ATP12A: variants seen among roughly 807,000 people sequenced by gnomAD.
ATP12A encodes the protein ATPase H+/K+ transporting non-gastric alpha2 subunit.
In ATP12A, 81 loss-of-function variants were observed where a neutral mutation model predicts 111.2. That is an observed-to-expected ratio of 0.73 (90% confidence interval 0.61 to 0.88). The LOEUF is 0.88. Ranked by LOEUF, ATP12A falls within the 40% of genes least tolerant of loss-of-function variation. The pLI is 0.00. For missense variants in ATP12A, 1,196 were observed against 1,313.1 expected (o/e 0.91, Z 1.38); for synonymous variants, 498 against 499.8 (o/e 1.00, Z 0.05).
chr13:24,701,890 C>T (rs779148716), intron 13 of ATP12A, 45 bp from the exon 14 acceptor site: 21 of 1,612,786 alleles, frequency 1.3e-5, no homozygotes, highest in South Asian at 3.3e-5. Context: ...TTTGGCCAAC[C>T]GAGTTCTTCA....
rs541422116 is a variant in ATP12A, at chr13:24,694,290, G to T, written c.1378-154G>T. ...CAGTAGGTGGCACTGTTGTTTACAC[G>T]CTTACCACGGTCTTGCGGCCCTCCC... is the stretch of plus-strand genomic sequence containing the variant. On this transcript the variant is annotated intron_variant, in intron 10 of 22. Coordinates refer to ENST00000381946, the MANE Select transcript of ATP12A (RefSeq NM_001676.7). Among the ~76,000 whole-genome samples the T allele has an allele frequency of 5.8e-3, 879 of 152,288 alleles. 2 individuals are homozygous for T. The highest frequency in any genetic ancestry group is 0.011 in the Non-Finnish European group (748 of 68,028).
rs372155116 is a variant in ATP12A, at chr13:24,698,840, G to A, written c.1695G>A (p.Glu565=). The A allele has an allele frequency of 1.8e-5, 29 of 1,613,770 alleles. No homozygotes were observed. In the African/African-American group the frequency reaches 3.2e-4, roughly 18 times the overall value. ...TAYMELGGLG[E]RVLGFCHLYL... is the part of the protein sequence containing the mutation. ...ACATGGAGCTGGGCGGGTTGGGCGA[G>A]CGTGTGCTGGGTGAGTGCGGCGGCA... Residue 565 remains glutamate, a synonymous_variant, in exon 12 of 23, where the codon GAG becomes GAA. Coordinates refer to ENST00000381946, the MANE Select transcript of ATP12A (RefSeq NM_001676.7).
At chr13:24,688,009 G>A (rs1874730251) in intron 3 of ATP12A, among the ~76,000 whole-genome samples, 1 of 152,136 alleles carries the variant, frequency 6.6e-6, no homozygotes, top group Non-Finnish European at 1.5e-5. Flanking sequence ...TAATTTCTCT[G>A]TGCCTCAAAT....
At chr13:24,687,750 A>G (rs1240505951) in intron 3 of ATP12A, among the ~76,000 whole-genome samples, 2 of 152,228 alleles carry the variant, frequency 1.3e-5, no homozygotes, top group Non-Finnish European at 2.9e-5. Context: ...GATGGAAACT[A>G]AAGCCACATG....
rs1314545034 is a variant in ATP12A, at chr13:24,711,609, T to G, written c.*87T>G. 1.3e-6 allele frequency: 2 copies of G among 1,548,452 alleles called. No homozygotes were observed. The highest frequency in any genetic ancestry group is 1.8e-6 in the Non-Finnish European group (2 of 1,126,394). ...CGTTTGCTGGGCTATTCCCCTGCAG[T>G]GCAGACATCGTCAAAATTCAGACAA... On this transcript the variant is annotated 3_prime_UTR_variant, in exon 23 of 23. Transcript: ENST00000381946.
At chr13:24,680,994 A>G (rs1278674672) in intron 1 of ATP12A, among the ~76,000 whole-genome samples, 1 of 152,138 alleles carries the variant, frequency 6.6e-6, no homozygotes, top group Non-Finnish European at 1.5e-5. Flanking sequence ...GAGGAGCGAG[A>G]AGGGGCCAAG....
rs905245693 is a variant in ATP12A at position 24,711,632 on chromosome 13, CAA to C, written c.*111_*112del. 3.2e-5 allele frequency: 47 copies of C among 1,474,380 alleles called. No individual in the cohort carries two copies. The highest frequency in any genetic ancestry group is 3.8e-5 in the Non-Finnish European group (41 of 1,070,594). The allele number at this position is 1,474,380 out of a possible 1,614,324, so 91.3% of individuals were successfully genotyped here. ...AGTGCAGACATCGTCAAAATTCAGA[CAA>C]GAGGAAATTTTCATGCAGAAAGCTG... is the stretch of plus-strand genomic sequence containing the variant. On this transcript the variant is annotated 3_prime_UTR_variant, in exon 23 of 23. Transcript: ENST00000381946.
rs1219942810 is a variant in ATP12A, at chr13:24,712,325, T to C, written c.*803T>C. ...TGGTTTCAATAGTCATATTTATTTC[T>C]TGTAAAACAGTTGCCAGGTGCTCTC... On this transcript the variant is annotated 3_prime_UTR_variant, in exon 23 of 23. Transcript: ENST00000381946. 1.3e-5 allele frequency: 2 copies of C among 152,272 alleles called. No individual in the cohort carries two copies. The highest frequency in any genetic ancestry group is 4.8e-5 in the African/African-American group (2 of 41,474). The allele number at this position is 152,272 out of a possible 1,614,324, so 9.4% of individuals were successfully genotyped here. A position where few individuals can be genotyped will look rare whatever the true frequency, so the allele number is the denominator to read the frequency against.
Position 24,707,259 on chromosome 13 carries a change from G to A in ATP12A, c.2339-20G>A, listed in dbSNP as rs776556940. 3.1e-6 allele frequency: 5 copies of A among 1,614,018 alleles called. No homozygotes were observed. The African/African-American group carries it at 4.0e-5, about 13-fold the overall frequency. ...TGGGGGACTAGAAGTAAGTTCTGAA[G>A]GAGAAACCTCTCTGCCTAGGTCGCC... On this transcript the variant is annotated intron_variant, in intron 16 of 22. Coordinates refer to ENST00000381946, the MANE Select transcript of ATP12A (RefSeq NM_001676.7).
rs570046773 is a variant in ATP12A, at chr13:24,696,069, G to A, written c.1512+1491G>A. ...TAAAACCAAAGTGAAAATAGAGTGC[G>A]CAACAGTCCTAAAAGACTGTTTTAG... On this transcript the variant is annotated intron_variant, in intron 11 of 22. Coordinates refer to ENST00000381946, the MANE Select transcript of ATP12A (RefSeq NM_001676.7). Among the ~76,000 whole-genome samples the A allele has an allele frequency of 3.9e-5, 6 of 152,220 alleles. No individual in the cohort carries two copies. In the South Asian group the frequency reaches 1.0e-3, roughly 26 times the overall value.
chr13:24,708,290 G>C (rs563823818), intron 17 of ATP12A, among the ~76,000 whole-genome samples: 139 of 152,276 alleles, frequency 9.1e-4, no homozygotes, highest in Admixed American at 2.5e-3. Flanking sequence ...TGCCCATGTG[G>C]CTGTGGCTTA....
At chr13:24,710,194 C>T (rs551049863) in intron 19 of ATP12A, among the ~76,000 whole-genome samples, 1 of 152,284 alleles carries the variant, frequency 6.6e-6, no homozygotes, top group African/African-American at 2.4e-5. Flanking sequence ...CACTTGAGCC[C>T]AGGAGTTTGA....
At chr13:24,707,237 G>A (rs1875706605) in intron 16 of ATP12A, 42 bp from the exon 17 acceptor site, 5 of 1,613,648 alleles carry the variant, frequency 3.1e-6, no homozygotes, top group East Asian at 2.2e-5. Flanking sequence ...GGTGGTCTGG[G>A]GGACTAGAAG....
chr13:24,710,547 A>T lies in ATP12A; in HGVS notation c.2851A>T (p.Ile951Phe). ...ILVQQIADLI[I>F]RKTRRNSIFQ... is the part of the protein sequence containing the mutation. The stretch of plus-strand genomic sequence containing the variant: ...AGTCCAGCAAATAGCAGATCTGATC[A>T]TCAGGAAAACCCGGAGGAATTCCAT... The change falls in exon 20 of 23, where the codon ATC (isoleucine) becomes TTC (phenylalanine). Residue 951 changes from isoleucine to phenylalanine, a missense_variant. Physicochemically the swap from Ile to Phe is conservative, Grantham distance 21. This residue lies in a region of ATP12A where 1,126 missense variants were observed against 1,228.5 expected (regional missense o/e 0.92). Transcript: ENST00000381946. 1 of 1,614,262 alleles carries T rather than the reference A, an allele frequency of 6.2e-7. No individual in the cohort carries two copies. The highest frequency in any genetic ancestry group is 1.1e-5 in the South Asian group (1 of 91,090).
chr13:24,698,595 G>A (rs753843092), intron 11 of ATP12A, 63 bp from the exon 12 acceptor site: 6 of 1,525,292 alleles, frequency 3.9e-6, no homozygotes, highest in East Asian at 2.3e-5. Flanking sequence ...TAATGGACCA[G>A]TAGAGAAGAA....
intron 1 of ATP12A, 123 bp downstream of exon 1, chr13:24,680,875 G>A: frequency 1.5e-6 from 2 of 1,364,612 alleles, no homozygotes; most frequent in Non-Finnish European, 1.9e-6. Context: ...CCGGGGCAAG[G>A]GGAGGCCGCC....
At position 24,698,842 on chromosome 13, in the gene ATP12A, G is replaced by T; in HGVS notation, c.1697G>T (p.Arg566Leu). 6.2e-7 allele frequency: 1 copy of T among 1,613,768 alleles called. No homozygotes were observed. ...ATGGAGCTGGGCGGGTTGGGCGAGC[G>T]TGTGCTGGGTGAGTGCGGCGGCAGG... ...AYMELGGLGE[R>L]VLGFCHLYLP... The change falls in exon 12 of 23, where the codon CGT becomes CTT. Residue 566 changes from arginine (R) to leucine (L), a missense_variant. By Grantham distance (102) the Arg-to-Leu change is moderately radical. Coordinates refer to ENST00000381946, the MANE Select transcript of ATP12A (RefSeq NM_001676.7).
intron 14 of ATP12A, 60 bp downstream of exon 14, chr13:24,702,131 C>CT: frequency 6.2e-7 from 1 of 1,603,380 alleles, no homozygotes; most frequent in South Asian, 1.1e-5. Context: ...CCCACTGGCT[C>CT]TAAAGAGCTG....
intron 4 of ATP12A, 24 bp from the exon 5 acceptor site, chr13:24,689,234 TCTGA>T (rs781159166): frequency 1.1e-5 from 17 of 1,601,582 alleles, no homozygotes; most frequent in Non-Finnish European, 1.4e-5. Flanking sequence ...TGCTGGTTTC[TCTGA>T]CTGACGCCCT....
Sources: gnomAD v4.1 joint callset for allele counts (sites outside exome capture counted in the v4.1 genomes callset) on GRCh38, gnomAD v4.1.1 for gene constraint, gnomAD v4.1.1 regional missense constraint, MANE v1.5 for transcripts, NCBI Gene and HGNC (gene_info 2026-07-23, HGNC 2026-07-21) for gene names.